Variants in CEP76 observed in about 807,000 individuals in gnomAD.
CEP76 encodes the protein centrosomal protein of 76 kDa.
In CEP76, 55 loss-of-function variants were observed where a neutral mutation model predicts 83.3. The ratio of observed to expected loss-of-function variants is 0.66; its 90% CI spans 0.53 to 0.83. The LOEUF (loss-of-function observed/expected upper bound fraction) is 0.83, where lower values mean the gene tolerates loss of function less well. CEP76 is among the 40% of genes least tolerant of loss of function. CEP76 has a pLI of 0.00. For missense variants in CEP76, 694 were observed against 799.5 expected, an observed-to-expected ratio of 0.87 and a Z score of 1.59; for synonymous variants, 270 against 274.5, an observed-to-expected ratio of 0.98 and a Z score of 0.16.
chr18:12,662,345 A>G (rs2038709805), intron 12 of CEP76, among the ~76,000 whole-genome samples: 1 of 152,216 alleles, frequency 6.6e-6, no homozygotes. Flanking sequence ...TTCCTATCTT[A>G]CAGAAGAGAA....
chr18:12,693,099 C>T (rs1193225247), intron 6 of CEP76, among the ~76,000 whole-genome samples: 1 of 152,122 alleles, frequency 6.6e-6, no homozygotes, highest in African/African-American at 2.4e-5. Flanking sequence ...GCTGGGATTA[C>T]AGATTAATTA....
chr18:12,662,822 A>G (rs2038723572), intron 12 of CEP76, among the ~76,000 whole-genome samples: 1 of 152,210 alleles, frequency 6.6e-6, no homozygotes, highest in African/African-American at 2.4e-5. Flanking sequence ...GAGGATTGAG[A>G]TAAAATGTGT....
intron 4 of CEP76, among the ~76,000 whole-genome samples, chr18:12,697,819 G>A (rs553506006): frequency 6.6e-6 from 1 of 152,132 alleles, no homozygotes; most frequent in African/African-American, 2.4e-5. Flanking sequence ...GAAAAATACA[G>A]CACATCGAAT....
At chr18:12,681,056 G>A (rs1014899166) in intron 8 of CEP76, among the ~76,000 whole-genome samples, 6 of 151,900 alleles carry the variant, frequency 3.9e-5, no homozygotes, top group East Asian at 3.9e-4. Context: ...AAAATTAGCC[G>A]GGTGTGGTAG....
At chr18:12,662,296 G>A (rs1390956052) in intron 12 of CEP76, 7 of 369,118 alleles carry the variant, frequency 1.9e-5, no homozygotes, top group Non-Finnish European at 3.2e-5. Flanking sequence ...TTCAAAATGT[G>A]CTCTTCAGTT....
chr18:12,681,820 T>C (rs1260523780), intron 8 of CEP76, among the ~76,000 whole-genome samples: 1 of 152,058 alleles, frequency 6.6e-6, no homozygotes, highest in Non-Finnish European at 1.5e-5. Flanking sequence ...TAAAAAGTTA[T>C]AAAGACCTAT....
chr18:12,674,842 AC>A (rs1416740663), intron 10 of CEP76, 89 bp from the exon 11 acceptor site: 14 of 697,444 alleles, frequency 2.0e-5, no homozygotes, highest in Middle Eastern at 6.4e-4. Flanking sequence ...TTTAATGTAT[AC>A]CAAGAAAAGA....
chr18:12,698,096 AG>A (rs1321741419), intron 4 of CEP76, among the ~76,000 whole-genome samples: 2 of 151,980 alleles, frequency 1.3e-5, no homozygotes, highest in African/African-American at 4.8e-5. Context: ...TGGAGAAATA[AG>A]AAAAAAAAGA....
chr18:12,698,829 A>T (rs1174691016), intron 4 of CEP76, 150 bp downstream of exon 4: 3 of 610,316 alleles, frequency 4.9e-6, no homozygotes, highest in Non-Finnish European at 8.8e-6. Context: ...GAAGGTGGAT[A>T]GTAGTTTAAA....
At chr18:12,685,637 AT>A (rs34426047) in intron 8 of CEP76, 54,746 of 145,662 alleles carry the variant, frequency 0.38, 10,240 homozygotes, top group Non-Finnish European at 0.43. Context: ...ATAAAATAGT[AT>A]TTTTTTTTTT....
chr18:12,690,395 A>G (rs1347409252), intron 7 of CEP76, among the ~76,000 whole-genome samples: 1 of 152,214 alleles, frequency 6.6e-6, no homozygotes, highest in East Asian at 1.9e-4. Context: ...GGCTGAATAT[A>G]TACAAAATAT....
chr18:12,677,351 T>C (rs1388852089), intron 10 of CEP76, among the ~76,000 whole-genome samples: 1 of 149,932 alleles, frequency 6.7e-6, no homozygotes, highest in Non-Finnish European at 1.5e-5. Context: ...GGCAGGAGAA[T>C]TGCTTAAACC....
chr18:12,683,079 C>T (rs773579688), intron 8 of CEP76, among the ~76,000 whole-genome samples: 3 of 151,176 alleles, frequency 2.0e-5, no homozygotes, highest in African/African-American at 7.3e-5. Flanking sequence ...GGTGTGCCAG[C>T]TTTTGCCTGT....
chr18:12,686,696 C>G, intron 7 of CEP76: 1 of 331,698 alleles, frequency 3.0e-6, no homozygotes, highest in Non-Finnish European at 5.6e-6. Flanking sequence ...GGTTCAAGCT[C>G]TGAGCTGTTT....
At chr18:12,690,382 T>C (rs2039708567) in intron 7 of CEP76, among the ~76,000 whole-genome samples, 1 of 152,132 alleles carries the variant, frequency 6.6e-6, no homozygotes, top group Admixed American at 6.6e-5. Flanking sequence ...AGCATCTGTA[T>C]GAGGCTGAAT....
At position 12,673,315 on chromosome 18, in the gene CEP76, G is replaced by C; in HGVS notation, c.*50C>G. Reference sequence around the variant, plus strand: ...TCTAAATAGCTAAGTAATGTACAATGTGTAAAATTCCAATTAAACACAGGT... The same window carrying C: ...TCTAAATAGCTAAGTAATGTACAATCTGTAAAATTCCAATTAAACACAGGT... On this transcript the variant is annotated 3_prime_UTR_variant, in exon 12 of 12. Transcript: ENST00000262127. 4.5e-6 allele frequency: 7 copies of C among 1,561,240 alleles called. No homozygotes were observed. The highest frequency in any genetic ancestry group is 6.0e-6 in the Non-Finnish European group (7 of 1,161,514).
intron 12 of CEP76, among the ~76,000 whole-genome samples, chr18:12,663,816 A>G (rs770574629): frequency 6.6e-6 from 1 of 152,074 alleles, no homozygotes; most frequent in Admixed American, 6.6e-5. Flanking sequence ...CCCAGGCTGG[A>G]TGGAGTGCAG....
At chr18:12,691,631 C>T in intron 6 of CEP76, 144 bp from the exon 7 acceptor site, 5 of 566,342 alleles carry the variant, frequency 8.8e-6, no homozygotes, top group Non-Finnish European at 1.5e-5. Flanking sequence ...CCTGACTTCC[C>T]TATTTCTACA....
chr18:12,698,094 TAAGAA>T (rs1003436170), intron 4 of CEP76, among the ~76,000 whole-genome samples: 2 of 151,238 alleles, frequency 1.3e-5, no homozygotes, highest in Non-Finnish European at 2.9e-5. Flanking sequence ...ATTGGAGAAA[TAAGAA>T]AAAAAAGAAA....
Sources: allele counts gnomAD v4.1 joint callset (sites outside exome capture counted in the v4.1 genomes callset), GRCh38; gene constraint gnomAD v4.1.1; transcripts MANE v1.5; gene names NCBI Gene and HGNC (gene_info 2026-07-23, HGNC 2026-07-21).